Variants in SP7 observed in about 807,000 individuals in gnomAD.
The protein encoded by SP7 is Sp7 transcription factor.
A neutral mutation model predicts 27.9 loss-of-function variants in SP7; 13 were observed. The ratio of observed to expected loss-of-function variants is 0.47; its 90% CI spans 0.30 to 0.74. The LOEUF (loss-of-function observed/expected upper bound fraction) is 0.74, where lower values mean the gene tolerates loss of function less well. SP7 is among the 30% of genes least tolerant of loss of function. The pLI, the probability that SP7 is intolerant of heterozygous loss-of-function variation, is 0.06. For missense variants in SP7, 525 were observed against 558.0 expected, an observed-to-expected ratio of 0.94 and a Z score of 0.60; for synonymous variants, 219 against 226.7, an observed-to-expected ratio of 0.97 and a Z score of 0.31.
upstream of SP7, among the ~76,000 whole-genome samples, chr12:53,338,044 C>T (rs1415573851): frequency 6.7e-6 from 1 of 149,802 alleles, no homozygotes; most frequent in South Asian, 2.1e-4. Context: ...CCCAGAGGAA[C>T]AAAGATGGGG....
chr12:53,328,881 A>G lies in SP7; in HGVS notation c.561T>C (p.Ala187=), dbSNP rs773415011. The G allele has an allele frequency of 3.7e-6, 6 of 1,610,240 alleles. No individual in the cohort carries two copies. The South Asian group carries it at 6.6e-5, about 18-fold the overall frequency. ...GCAGCTGGGGGTTCAGTGGAGGCTG[A>G]GCTGGACCTGTGGGCAGTGTCCCTT... is the stretch of plus-strand genomic sequence containing the variant. ...GLQGTLPTGP[A]QPPLNPQLPT... The change falls in exon 3 of 3, where the codon GCT becomes GCC. Residue 187 remains alanine, a synonymous_variant. Transcript: ENST00000536324. This position sits in a 1 kb window ranked among gnomAD's most constrained non-coding sequence, Gnocchi z 5.1.
At chr12:53,342,030 C>G (rs903717201) in intron 1 of SP7, among the ~76,000 whole-genome samples, 4 of 151,516 alleles carry the variant, frequency 2.6e-5, no homozygotes, top group African/African-American at 9.7e-5. Flanking sequence ...TGCACCCCAG[C>G]CTGGGCGACA....
chr12:53,344,410 A>C lies in SP7; in HGVS notation c.-34+704T>G, dbSNP rs1592539905. On this transcript the variant is annotated intron_variant, in intron 1 of 1. Transcript: ENST00000547755. This position sits in a 1 kb window ranked among gnomAD's most constrained non-coding sequence, Gnocchi z 4.6. ...TTTCTCCCTCTCCCCACCTTCCATC[A>C]CCTCCCCTACATAGGAACCCGCTGT... Among the ~76,000 whole-genome samples, 4 of 147,538 alleles carry C rather than the reference A, an allele frequency of 2.7e-5. No homozygotes were observed. Among genetic ancestry groups the C allele is most frequent in the African/African-American group, 5.1e-5 (2 of 39,468 alleles).
At chr12:53,339,433 G>C (rs1592537786), upstream of SP7, among the ~76,000 whole-genome samples, 1 of 152,176 alleles carries the variant, frequency 6.6e-6, no homozygotes. Flanking sequence ...AATGAAAACT[G>C]GGGAGAGTGG....
rs777523534 is a variant in SP7 at position 53,328,810 on chromosome 12, G to A, written c.632C>T (p.Pro211Leu). Residue 211 changes from proline to leucine, a missense_variant, in exon 3 of 3, where the codon CCA becomes CTA. Pro to Leu is a moderately conservative substitution (Grantham distance 98). Coordinates refer to ENST00000536324, the MANE Select transcript of SP7 (RefSeq NM_001173467.3). The surrounding 1 kb of genome is among the most constrained non-coding windows in gnomAD (Gnocchi z 5.1). ...DFAPLNPAPY[P>L]APHLLQPGPQ... ...CCCTGGTTGCAAGAGGTGGGGAGCT[G>A]GGTAGGGGGCTGGATTAAGGGGAGC... 3.8e-6 allele frequency: 6 copies of A among 1,597,562 alleles called. No individual in the cohort carries two copies. In the South Asian group the frequency reaches 6.7e-5, roughly 18 times the overall value.
Position 53,328,433 on chromosome 12 carries a change from G to A in SP7, c.1009C>T (p.Arg337Cys), listed in dbSNP as rs779183180. The change falls in exon 3 of 3, where the codon CGT becomes TGT. Residue 337 changes from arginine to cysteine, a missense_variant. Coordinates refer to ENST00000536324, the MANE Select transcript of SP7 (RefSeq NM_001173467.3). The surrounding 1 kb of genome is among the most constrained non-coding windows in gnomAD (Gnocchi z 5.1). ...ACATGACGCTCCAGCTCATCCGAAC[G>A]AGTGAACCTCTTGCCGCAGAAGAGC... ...NWLFCGKRFT[R>C]SDELERHVRT... 18 of 1,613,818 alleles carry A rather than the reference G, an allele frequency of 1.1e-5. No individual in the cohort carries two copies. Among genetic ancestry groups the A allele is most frequent in the Admixed American group, 3.3e-5 (2 of 60,006 alleles).
At chr12:53,334,726 G>A (rs963421168) in intron 2 of SP7, among the ~76,000 whole-genome samples, 25 of 152,222 alleles carry the variant, frequency 1.6e-4, no homozygotes, top group Non-Finnish European at 2.9e-5. Flanking sequence ...CTGAGTGGCT[G>A]TGAGCCCTGC....
chr12:53,339,083 C>T (rs1160994509), upstream of SP7, among the ~76,000 whole-genome samples: 9 of 152,232 alleles, frequency 5.9e-5, no homozygotes, highest in South Asian at 1.9e-3. Context: ...GTGGCAGGGG[C>T]GGGTAGAGGC....
chr12:53,332,991 C>A (rs1944723853), intron 2 of SP7, among the ~76,000 whole-genome samples: 1 of 152,194 alleles, frequency 6.6e-6, no homozygotes, highest in Non-Finnish European at 1.5e-5. Context: ...CCCCACCCAG[C>A]TGTGGGGAGG....
rs1371342281 is a variant in SP7 at position 53,335,663 on chromosome 12, G to A, written c.-17C>T. ...GGACGCCATCCTGAGGCTGGGGAAC[G>A]GGTCCCAAGGAGCCAGGCAGATGGA... On this transcript the variant is annotated 5_prime_UTR_variant, in exon 2 of 3. Transcript: ENST00000536324. 5.8e-6 allele frequency: 9 copies of A among 1,545,366 alleles called. No individual in the cohort carries two copies. The highest frequency in any genetic ancestry group is 1.4e-5 in the African/African-American group (1 of 71,752).
In SP7 at chr12:53,328,539, G is replaced by A. The variant is rs752164073; in HGVS notation, c.903C>T (p.Cys301=). ...KPIHSCHIPG[C]GKVYGKASHL... Reference sequence around the variant, plus strand: ...GCGAAGCCTTGCCATACACCTTGCCGCAGCCAGGGATGTGGCAGCTGTGGA... The same window carrying A: ...GCGAAGCCTTGCCATACACCTTGCCACAGCCAGGGATGTGGCAGCTGTGGA... Residue 301 remains cysteine, a synonymous_variant, in exon 3 of 3, where the codon TGC becomes TGT. Transcript: ENST00000536324. The surrounding 1 kb of genome is among the most constrained non-coding windows in gnomAD (Gnocchi z 5.1). 10 of 1,612,736 alleles carry A rather than the reference G, an allele frequency of 6.2e-6. No homozygotes were observed. Among genetic ancestry groups the A allele is most frequent in the Middle Eastern group, 1.6e-4 (1 of 6,082 alleles).
upstream of SP7, among the ~76,000 whole-genome samples, chr12:53,340,527 G>A (rs1944814057): frequency 6.6e-6 from 1 of 152,150 alleles, no homozygotes; most frequent in African/African-American, 2.4e-5. Context: ...CCCTGGTCCT[G>A]GGGAACCCCA....
At chr12:53,338,312 C>T (rs1040424518), upstream of SP7, among the ~76,000 whole-genome samples, 5 of 152,082 alleles carry the variant, frequency 3.3e-5, no homozygotes, top group East Asian at 3.9e-4. Context: ...GACTGAGGTG[C>T]CAGATGGCTT....
chr12:53,332,297 G>T (rs1004744927), intron 2 of SP7, among the ~76,000 whole-genome samples: 2 of 152,190 alleles, frequency 1.3e-5, no homozygotes, highest in Non-Finnish European at 2.9e-5. Context: ...GGAAAAATTG[G>T]CATTGAATAG....
chr12:53,335,508 C>A (rs2136846591), intron 2 of SP7, 118 bp downstream of exon 2: 2 of 721,468 alleles, frequency 2.8e-6, no homozygotes, highest in East Asian at 2.7e-5. Flanking sequence ...ATCAGAAGGA[C>A]CCCTGGAATT....
At chr12:53,335,793 G>T in intron 1 of SP7, 100 bp from the exon 2 acceptor site, 1 of 1,322,358 alleles carries the variant, frequency 7.6e-7, no homozygotes, top group Non-Finnish European at 9.7e-7. Context: ...GACCGGGGTG[G>T]GGGGCTGCTC....
At chr12:53,337,984 C>T (rs1004276547), upstream of SP7, among the ~76,000 whole-genome samples, 1 of 151,906 alleles carries the variant, frequency 6.6e-6, no homozygotes, top group African/African-American at 2.4e-5. Flanking sequence ...ACAACAACAA[C>T]AACAACAAAA....
rs961195607 is a variant in SP7, at chr12:53,328,294, G to T, written c.1148C>A (p.Pro383His). 1.9e-6 allele frequency: 3 copies of T among 1,610,830 alleles called. No homozygotes were observed. The Admixed American group carries it at 5.0e-5, about 27-fold the overall frequency. Residue 383 changes from proline (P) to histidine (H), a missense_variant, in exon 3 of 3, where the codon CCC becomes CAC. Transcript: ENST00000536324. This position sits in a 1 kb window ranked among gnomAD's most constrained non-coding sequence, Gnocchi z 5.1. The part of the protein sequence containing the change: ...QRTHGEPGPG[P>H]PPSGPKELGE... Reference sequence around the variant, plus strand: ...CAGCTCCTTGGGGCCACTGGGAGGGGGACCCGGGCCTGGTTCTCCATGGGT... The same window carrying T: ...CAGCTCCTTGGGGCCACTGGGAGGGTGACCCGGGCCTGGTTCTCCATGGGT...
chr12:53,328,143 G>C lies in SP7; in HGVS notation c.*3C>G, dbSNP rs374801698. The C allele has an allele frequency of 2.5e-6, 4 of 1,605,978 alleles. No individual in the cohort carries two copies. The highest frequency in any genetic ancestry group is 4.5e-5 in the East Asian group (2 of 44,782). The stretch of plus-strand genomic sequence containing the variant: ...CCCTGGGGTGGGAGACCTTCCACCC[G>C]GCTCAGATCTCCAGCAAGTTGCTCT... On this transcript the variant is annotated 3_prime_UTR_variant, in exon 3 of 3. Transcript: ENST00000536324. This position sits in a 1 kb window ranked among gnomAD's most constrained non-coding sequence, Gnocchi z 5.1.
Sources: allele counts gnomAD v4.1 joint callset (sites outside exome capture counted in the v4.1 genomes callset), GRCh38; gene constraint gnomAD v4.1.1; non-coding constraint Gnocchi (gnomAD v3.1); transcripts MANE v1.5; gene names NCBI Gene and HGNC (gene_info 2026-07-23, HGNC 2026-07-21).